Variants in GTPBP1 observed in about 807,000 individuals in gnomAD.
GTPBP1 encodes the protein GTP-binding protein 1.
Under a neutral mutation model 62.0 loss-of-function variants are expected in GTPBP1, and 23 were observed. The ratio of observed to expected loss-of-function variants is 0.37; its 90% CI spans 0.27 to 0.53. The LOEUF (loss-of-function observed/expected upper bound fraction) is 0.53, where lower values mean the gene tolerates loss of function less well. Among genes scored for constraint, GTPBP1 ranks in the 20% least tolerant of loss-of-function variants. The pLI is 0.89. For missense variants in GTPBP1, 640 were observed against 917.3 expected, an observed-to-expected ratio of 0.70 and a Z score of 3.90; for synonymous variants, 344 against 364.4, an observed-to-expected ratio of 0.94 and a Z score of 0.64.
downstream of GTPBP1, chr22:38,738,475 A>C: frequency 6.9e-7 from 1 of 1,439,494 alleles, no homozygotes; most frequent in Non-Finnish European, 9.5e-7. This position sits in a 1 kb window ranked among gnomAD's most constrained non-coding sequence, Gnocchi z 6.6. Flanking sequence ...TCCTCTTCCA[A>C]ATCCACTCCC....
chr22:38,706,500 T>G, intron 1 of GTPBP1: 1 of 182,158 alleles, frequency 5.5e-6, no homozygotes, highest in Non-Finnish European at 1.1e-5. Context: ...CTCCCCGTTC[T>G]TCGGGTCCCC....
At chr22:38,720,851 C>G (rs552988125) in intron 4 of GTPBP1, among the ~76,000 whole-genome samples, 79 of 152,312 alleles carry the variant, frequency 5.2e-4, no homozygotes, top group African/African-American at 1.7e-3. Flanking sequence ...ATTGTTATCT[C>G]CCCATTTTAC....
At chr22:38,718,723 T>C (rs374937934) in intron 4 of GTPBP1, among the ~76,000 whole-genome samples, 1 of 152,226 alleles carries the variant, frequency 6.6e-6, no homozygotes, top group Admixed American at 6.5e-5. Context: ...TGGCAGCTTT[T>C]CTTTCAAATT....
At chr22:38,729,755 C>T (rs1013514951) in intron 11 of GTPBP1, 93 bp downstream of exon 11, 5 of 975,802 alleles carry the variant, frequency 5.1e-6, no homozygotes, top group Admixed American at 3.7e-5. Context: ...AAGCCTCAAA[C>T]CTGGCTAGAG....
Position 38,724,417 on chromosome 22 carries a change from G to C in GTPBP1, c.1073+6G>C, listed in dbSNP as rs550798470. Reference sequence around the variant, plus strand: ...TCCAACTTCAGCTCTGAAAGGTAACGCGTGGGGAGCGCACACTTCAGACAG... The same window carrying C: ...TCCAACTTCAGCTCTGAAAGGTAACCCGTGGGGAGCGCACACTTCAGACAG... On this transcript the variant is annotated splice_donor_region_variant and intron_variant, in intron 6 of 11. Transcript: ENST00000216044. 1 of 1,526,638 alleles carries C rather than the reference G, an allele frequency of 6.6e-7. No homozygotes were observed. The highest frequency in any genetic ancestry group is 1.7e-5 in the Admixed American group (1 of 59,898). 94.6% of individuals were successfully genotyped at this position (1,526,638 alleles called of 1,614,324 possible). A position where few individuals can be genotyped will look rare whatever the true frequency, so the allele number is the denominator to read the frequency against.
chr22:38,734,175 A>T, downstream of GTPBP1: 1 of 341,564 alleles, frequency 2.9e-6, no homozygotes, highest in Admixed American at 4.1e-5. Flanking sequence ...GCCCTGGGCC[A>T]GGTGCCACGG....
Position 38,706,029 on chromosome 22 carries a change from C to T in GTPBP1, c.74C>T (p.Ser25Phe), listed in dbSNP as rs1054675441. The T allele has an allele frequency of 4.3e-6, 6 of 1,400,874 alleles. No individual in the cohort carries two copies. Among genetic ancestry groups the T allele is most frequent in the Non-Finnish European group, 5.6e-6 (6 of 1,077,522 alleles). The allele number at this position is 1,400,874 out of a possible 1,614,324, so 86.8% of individuals were successfully genotyped here. Reference sequence around the variant, plus strand: ...TCTATGTTCGCCCCCGAGCCCAGCTCCCCGGGGGCGGCCAGGGCCGCGGCG... The same window carrying T: ...TCTATGTTCGCCCCCGAGCCCAGCTTCCCGGGGGCGGCCAGGGCCGCGGCG... ...PASMFAPEPS[S>F]PGAARAAAAA... is the part of the protein sequence containing the mutation. The change falls in exon 1 of 12, where the codon TCC becomes TTC. Residue 25 changes from serine to phenylalanine, a missense_variant. Coordinates refer to ENST00000216044, the MANE Select transcript of GTPBP1 (RefSeq NM_004286.5).
At chr22:38,721,136 A>G (rs1218323244) in intron 4 of GTPBP1, among the ~76,000 whole-genome samples, 1 of 152,098 alleles carries the variant, frequency 6.6e-6, no homozygotes, top group East Asian at 1.9e-4. Flanking sequence ...CTGGAGTGCA[A>G]TGGCACGATC....
At chr22:38,723,267 C>G in intron 5 of GTPBP1, 1 of 953,928 alleles carries the variant, frequency 1.0e-6, no homozygotes, top group Non-Finnish European at 1.7e-6. Context: ...TTGAACTCTC[C>G]ATTGACAATG....
intron 5 of GTPBP1, 108 bp from the exon 6 acceptor site, chr22:38,724,189 C>G: frequency 1.4e-6 from 1 of 694,464 alleles, no homozygotes; most frequent in South Asian, 1.6e-5. Flanking sequence ...GTCCATCTAT[C>G]TGTCTGTCTC....
chr22:38,739,972 G>A, downstream of GTPBP1: 2 of 1,599,498 alleles, frequency 1.3e-6, no homozygotes, highest in Non-Finnish European at 1.7e-6. The surrounding 1 kb of genome is among the most constrained non-coding windows in gnomAD (Gnocchi z 6.7). Context: ...GTGTCACCCT[G>A]GGGGGCTTGC....
At chr22:38,713,574 A>G (rs968259688) in intron 2 of GTPBP1, among the ~76,000 whole-genome samples, 3 of 152,108 alleles carry the variant, frequency 2.0e-5, no homozygotes, top group African/African-American at 7.2e-5. Flanking sequence ...GGCTAGAGAG[A>G]TGGTATTGTC....
At chr22:38,712,421 G>A (rs2092645250) in intron 2 of GTPBP1, among the ~76,000 whole-genome samples, 1 of 152,162 alleles carries the variant, frequency 6.6e-6, no homozygotes, top group Non-Finnish European at 1.5e-5. Flanking sequence ...CTGGGCAGAG[G>A]AAGGCAGGGC....
At chr22:38,722,979 C>T (rs1162892391) in intron 5 of GTPBP1, 2 of 856,174 alleles carry the variant, frequency 2.3e-6, no homozygotes, top group Non-Finnish European at 4.1e-6. Flanking sequence ...AAGACCAGAA[C>T]CTTCTAACAG....
intron 1 of GTPBP1, chr22:38,706,394 T>G: frequency 6.2e-6 from 2 of 322,636 alleles, no homozygotes; most frequent in Non-Finnish European, 5.6e-6. Context: ...CCCTCCCGTC[T>G]CCCGCCGAGA....
rs201300285 is a variant in GTPBP1 at position 38,716,829 on chromosome 22, A to G, written c.663A>G (p.Glu221=). 2.5e-6 allele frequency: 4 copies of G among 1,614,106 alleles called. No homozygotes were observed. The highest frequency in any genetic ancestry group is 3.4e-6 in the Non-Finnish European group (4 of 1,180,026). Residue 221 remains glutamate (E), a synonymous_variant, in exon 4 of 12, where the codon GAA becomes GAG. Coordinates refer to ENST00000216044, the MANE Select transcript of GTPBP1 (RefSeq NM_004286.5). The surrounding 1 kb of genome is among the most constrained non-coding windows in gnomAD (Gnocchi z 5.2). ...VGNDILGFDS[E]GNVVNKPDSH... ...ACGACATTCTGGGCTTTGACAGTGA[A>G]GGCAATGTAGTGAACAAGCCTGACA...
chr22:38,729,934 C>T (rs886897666), intron 11 of GTPBP1, among the ~76,000 whole-genome samples: 2 of 152,198 alleles, frequency 1.3e-5, no homozygotes, highest in African/African-American at 4.8e-5. Context: ...AGAAAAATGT[C>T]GAAGCTTCCC....
In GTPBP1 at chr22:38,731,365, C is replaced by T. The variant is rs944069300; in HGVS notation, c.*661C>T. 6.6e-6 allele frequency: 1 copy of T among 152,492 alleles called. No homozygotes were observed. The highest frequency in any genetic ancestry group is 6.5e-5 in the Admixed American group (1 of 15,282). The allele number at this position is 152,492 out of a possible 1,614,324, so 9.4% of individuals were successfully genotyped here. On this transcript the variant is annotated 3_prime_UTR_variant, in exon 12 of 12. Transcript: ENST00000216044. Reference sequence around the variant, plus strand: ...CTCTCCTCCTTTTTCCCTTTAAGCCCACAGATTCAGGTCATGCCAAAAGCT... The same window carrying T: ...CTCTCCTCCTTTTTCCCTTTAAGCCTACAGATTCAGGTCATGCCAAAAGCT...
intron 2 of GTPBP1, among the ~76,000 whole-genome samples, chr22:38,712,878 C>G (rs1350495610): frequency 2.6e-5 from 4 of 152,224 alleles, no homozygotes; most frequent in Non-Finnish European, 4.4e-5. Context: ...TTAGAAACTC[C>G]TCAGCCCAAC....
Sources: gnomAD v4.1 joint callset for allele counts (sites outside exome capture counted in the v4.1 genomes callset) on GRCh38, gnomAD v4.1.1 for gene constraint, Gnocchi (gnomAD v3.1) non-coding constraint, MANE v1.5 for transcripts, NCBI Gene and HGNC (gene_info 2026-07-23, HGNC 2026-07-21) for gene names.